EDARADD: variants seen among roughly 807,000 people sequenced by gnomAD.
EDARADD encodes the protein ectodysplasin-A receptor-associated adapter protein.
In EDARADD, 20 loss-of-function variants were observed where a neutral mutation model predicts 25.6. The ratio of observed to expected loss-of-function variants is 0.78; its 90% CI spans 0.55 to 1.14. The LOEUF (loss-of-function observed/expected upper bound fraction) is 1.14, where lower values mean the gene tolerates loss of function less well. Ranked by LOEUF, EDARADD falls within the 50% of genes most tolerant of loss-of-function variation. EDARADD has a pLI of 0.00. For synonymous variants in EDARADD, 86 were observed against 94.4 expected, an observed-to-expected ratio of 0.91 and a Z score of 0.52; for missense variants, 225 against 270.1, an observed-to-expected ratio of 0.83 and a Z score of 1.17.
At chr1:236,452,452 A>G (rs1359172827) in intron 4 of EDARADD, among the ~76,000 whole-genome samples, 1 of 151,968 alleles carries the variant, frequency 6.6e-6, no homozygotes, top group African/African-American at 2.4e-5. Context: ...CACGACAGTG[A>G]GTGAGTTTGC....
At chr1:236,384,972 TATAA>T (rs1048514882) in intron 3 of EDARADD, among the ~76,000 whole-genome samples, 2 of 152,068 alleles carry the variant, frequency 1.3e-5, no homozygotes, top group African/African-American at 2.4e-5. Context: ...TAATAATTAA[TATAA>T]ATTAATTTAT....
intron 1 of EDARADD, among the ~76,000 whole-genome samples, chr1:236,405,740 T>C (rs1667698743): frequency 2.2e-5 from 1 of 44,718 alleles, no homozygotes; most frequent in African/African-American, 8.3e-5. Context: ...TTTCTTTCTT[T>C]CTTTCTTTCT....
At chr1:236,429,398 G>T (rs1402217972) in intron 4 of EDARADD, among the ~76,000 whole-genome samples, 1 of 150,542 alleles carries the variant, frequency 6.6e-6, no homozygotes, top group Non-Finnish European at 1.5e-5. Flanking sequence ...TATTTTTTTA[G>T]ACAGAGTCTC....
intron 3 of EDARADD, among the ~76,000 whole-genome samples, chr1:236,419,551 T>A (rs2103012947): frequency 6.6e-6 from 1 of 152,312 alleles, no homozygotes; most frequent in East Asian, 1.9e-4. Context: ...GAATGACACT[T>A]CAGTGTGCAT....
chr1:236,442,890 A>G (rs766887243), intron 4 of EDARADD, among the ~76,000 whole-genome samples: 2 of 152,222 alleles, frequency 1.3e-5, no homozygotes, highest in Non-Finnish European at 2.9e-5. Flanking sequence ...CCCAAAACTC[A>G]TGTTGAAATT....
chr1:236,351,343 C>T (rs1666913762), intron 3 of EDARADD, among the ~76,000 whole-genome samples: 1 of 151,934 alleles, frequency 6.6e-6, no homozygotes, highest in South Asian at 2.1e-4. Context: ...ACCGGTGGGC[C>T]AGAGGAGGTC....
chr1:236,409,103 T>G, intron 1 of EDARADD, 113 bp from the exon 2 acceptor site: 3 of 577,146 alleles, frequency 5.2e-6, no homozygotes, highest in South Asian at 6.8e-5. Flanking sequence ...AAGGTTTTCT[T>G]CAGCCTAAGT....
chr1:236,482,865 C>A lies in EDARADD; in HGVS notation c.*216C>A. 1 of 670,036 alleles carries A rather than the reference C, an allele frequency of 1.5e-6. No homozygotes were observed. The highest frequency in any genetic ancestry group is 2.5e-6 in the Non-Finnish European group (1 of 401,310). The allele number at this position is 670,036 out of a possible 1,614,324, so 41.5% of individuals were successfully genotyped here. ...ATCTGTTATAATTTAATATTCAAATCTGGAATTAAGAAAACATATTTTCTA... is the reference window on the plus strand; with the variant it reads ...ATCTGTTATAATTTAATATTCAAATATGGAATTAAGAAAACATATTTTCTA... On this transcript the variant is annotated 3_prime_UTR_variant, in exon 6 of 6. Transcript: ENST00000334232.
At chr1:236,376,453 T>A (rs970104576) in intron 3 of EDARADD, among the ~76,000 whole-genome samples, 2 of 152,084 alleles carry the variant, frequency 1.3e-5, no homozygotes, top group South Asian at 2.1e-4. Flanking sequence ...ATTGGTGCCA[T>A]TTTTTCTCTT....
chr1:236,423,175 G>C (rs531953568), intron 3 of EDARADD, among the ~76,000 whole-genome samples: 1 of 152,266 alleles, frequency 6.6e-6, no homozygotes, highest in South Asian at 2.1e-4. Context: ...TTTACATTGA[G>C]CTGACTTGCA....
In EDARADD at chr1:236,484,553, G is replaced by T; in HGVS notation, c.*1904G>T. 1 of 1,144,850 alleles carries T rather than the reference G, an allele frequency of 8.7e-7. No individual in the cohort carries two copies. The highest frequency in any genetic ancestry group is 1.3e-5 in the South Asian group (1 of 77,222). The allele number at this position is 1,144,850 out of a possible 1,614,324, so 70.9% of individuals were successfully genotyped here. A position where few individuals can be genotyped will look rare whatever the true frequency, so the allele number is the denominator to read the frequency against. On this transcript the variant is annotated 3_prime_UTR_variant, in exon 6 of 6. Coordinates refer to ENST00000334232, the MANE Select transcript of EDARADD (RefSeq NM_145861.4). The surrounding 1 kb of genome is among the most constrained non-coding windows in gnomAD (Gnocchi z 4.1). ...TCAACTCCGGCAGCTCAAGACCCCC[G>T]AGCAACATTTGTAGGGGCCGCTGCT...
intron 4 of EDARADD, among the ~76,000 whole-genome samples, chr1:236,451,098 C>T (rs1213968549): frequency 1.3e-5 from 2 of 152,118 alleles, no homozygotes; most frequent in African/African-American, 4.8e-5. Flanking sequence ...CTTCCTCTCC[C>T]AGGGGTACAC....
chr1:236,419,153 G>A (rs1443761637), intron 3 of EDARADD, among the ~76,000 whole-genome samples: 5 of 152,144 alleles, frequency 3.3e-5, no homozygotes, highest in East Asian at 1.9e-4. Context: ...TCAAGAGGCC[G>A]AGGCAGGAGG....
At chr1:236,412,133 G>A (rs16833645) in intron 2 of EDARADD, among the ~76,000 whole-genome samples, 22,787 of 152,086 alleles carry the variant, frequency 0.15, 1,853 homozygotes, top group Admixed American at 0.2. Flanking sequence ...CTGTGTAGCT[G>A]TGTGGTGCTT....
At chr1:236,474,167 G>T (rs143246752) in intron 5 of EDARADD, among the ~76,000 whole-genome samples, 1 of 152,108 alleles carries the variant, frequency 6.6e-6, no homozygotes, top group East Asian at 1.9e-4. Context: ...AGGATGATTT[G>T]GGATTATGCT....
chr1:236,483,658 T>C lies in EDARADD; in HGVS notation c.*1009T>C. 10 of 1,575,392 alleles carry C rather than the reference T, an allele frequency of 6.3e-6. No individual in the cohort carries two copies. In the South Asian group the frequency reaches 6.6e-5, roughly 10 times the overall value. On this transcript the variant is annotated 3_prime_UTR_variant, in exon 6 of 6. Transcript: ENST00000334232. ...TCTCATGCTGTCACCAAGCTGGCCA[T>C]GCAGGAGTTCATGGTCCTCCCAGTC...
At chr1:236,452,182 T>G (rs777106691) in intron 4 of EDARADD, among the ~76,000 whole-genome samples, 1 of 152,164 alleles carries the variant, frequency 6.6e-6, no homozygotes, top group Non-Finnish European at 1.5e-5. Context: ...CACCCCCTAG[T>G]GGTGATCTTG....
At chr1:236,372,914 A>ATTTTTTTT (rs34634477) in intron 3 of EDARADD, among the ~76,000 whole-genome samples, 2 of 113,610 alleles carry the variant, frequency 1.8e-5, no homozygotes, top group Non-Finnish European at 3.4e-5. Context: ...CTCTTCTTAC[A>ATTTTTTTT]TTTTTTTTTT....
chr1:236,407,186 T>G (rs2103007071), intron 1 of EDARADD, among the ~76,000 whole-genome samples: 1 of 152,306 alleles, frequency 6.6e-6, no homozygotes, highest in African/African-American at 2.4e-5. Context: ...AGAAGTCCCT[T>G]GAGACCCAGC....
Sources: gnomAD v4.1 joint callset for allele counts (sites outside exome capture counted in the v4.1 genomes callset) on GRCh38, gnomAD v4.1.1 for gene constraint, Gnocchi (gnomAD v3.1) non-coding constraint, MANE v1.5 for transcripts, NCBI Gene and HGNC (gene_info 2026-07-23, HGNC 2026-07-21) for gene names.